GPC5: variants seen among roughly 807,000 people sequenced by gnomAD.
GPC5 encodes glypican-5.
In GPC5, 47 loss-of-function variants were observed where a neutral mutation model predicts 53.9. That is an observed-to-expected ratio of 0.87 (90% CI 0.69 to 1.11). The LOEUF is 1.11. Ranked by LOEUF, GPC5 falls within the 50% of genes most tolerant of loss-of-function variation. The probability of loss-of-function intolerance (pLI) is 0.00; values close to 1 mark genes in which losing one functional copy is unlikely to be tolerated. For synonymous variants in GPC5, 286 were observed against 263.3 expected (o/e 1.09, Z -0.84); for missense variants, 748 against 713.1 (o/e 1.05, Z -0.56).
intron 7 of GPC5, among the ~76,000 whole-genome samples, chr13:92,591,859 G>A (rs1883722737): frequency 6.6e-6 from 1 of 152,120 alleles, no homozygotes; most frequent in South Asian, 2.1e-4. Flanking sequence ...CAGTGATAGT[G>A]CAGCGAACTG....
rs533328906 is a variant in GPC5 at position 91,773,733 on chromosome 13, G to A, written c.1280+17313G>A. On this transcript the variant is annotated intron_variant, in intron 5 of 7. Coordinates refer to ENST00000377067, the MANE Select transcript of GPC5 (RefSeq NM_004466.6). ...TAGAACGTAAAAGCTTGAGGACTAA[G>A]CAGCTAATTAGGAATTTATTCATGC... is the stretch of plus-strand genomic sequence containing the variant. 1.4e-4 allele frequency among the ~76,000 whole-genome samples: 22 copies of A among 152,256 alleles called. No individual in the cohort carries two copies. The South Asian group carries it at 4.6e-3, about 32-fold the overall frequency.
rs1880819707 is a variant in GPC5, at chr13:91,446,575, C to A, written c.164-2186C>A. Among the ~76,000 whole-genome samples the A allele has an allele frequency of 4.6e-5, 7 of 152,128 alleles. No homozygotes were observed. In the South Asian group the frequency reaches 1.5e-3, roughly 32 times the overall value. ...TACCATGCATAATAGTATCTGGGTTCACTCTAGCTTTGTTTTCTTATGATG... is the reference window on the plus strand; with the variant it reads ...TACCATGCATAATAGTATCTGGGTTAACTCTAGCTTTGTTTTCTTATGATG... On this transcript the variant is annotated intron_variant, in intron 1 of 7. Transcript: ENST00000377067.
chr13:92,224,360 T>C (rs1405854070), intron 7 of GPC5, among the ~76,000 whole-genome samples: 1 of 152,202 alleles, frequency 6.6e-6, no homozygotes, highest in Non-Finnish European at 1.5e-5. Flanking sequence ...GTATCAAAAC[T>C]AGATAAGATT....
intron 4 of GPC5, among the ~76,000 whole-genome samples, chr13:91,750,409 G>A (rs141146661): frequency 3.9e-5 from 6 of 152,266 alleles, no homozygotes; most frequent in African/African-American, 1.2e-4. Flanking sequence ...GGACTGGACT[G>A]TTAACATCTC....
intron 2 of GPC5, among the ~76,000 whole-genome samples, chr13:91,607,083 G>T (rs1346269205): frequency 1.3e-5 from 2 of 152,084 alleles, no homozygotes; most frequent in African/African-American, 4.8e-5. Context: ...GCTTTCTCTT[G>T]TGGAGAGTCA....
At chr13:92,685,092 T>G (rs1887221939) in intron 7 of GPC5, among the ~76,000 whole-genome samples, 1 of 151,850 alleles carries the variant, frequency 6.6e-6, no homozygotes, top group African/African-American at 2.4e-5. Context: ...TAGTTCTATT[T>G]ATTTATTTAT....
intron 6 of GPC5, among the ~76,000 whole-genome samples, chr13:91,973,554 A>G (rs1351983735): frequency 6.6e-6 from 1 of 152,006 alleles, no homozygotes; most frequent in African/African-American, 2.4e-5. Flanking sequence ...TGCTTTTTAG[A>G]GTTTCCGGTT....
chr13:91,709,334 G>A (rs982866714), intron 3 of GPC5, among the ~76,000 whole-genome samples: 2 of 152,096 alleles, frequency 1.3e-5, no homozygotes, highest in African/African-American at 4.8e-5. Context: ...CCTTTATACT[G>A]ACCTTTAGTA....
intron 7 of GPC5, among the ~76,000 whole-genome samples, chr13:92,750,048 C>G (rs1049849795): frequency 6.6e-6 from 1 of 152,186 alleles, no homozygotes; most frequent in African/African-American, 2.4e-5. Context: ...GTTCTACCCA[C>G]AGACAGAAAA....
At chr13:91,678,306 T>G (rs1011215917) in intron 2 of GPC5, among the ~76,000 whole-genome samples, 4 of 152,144 alleles carry the variant, frequency 2.6e-5, no homozygotes, top group Non-Finnish European at 5.9e-5. Context: ...ATTTAAACCG[T>G]TTTTAAGTCA....
At chr13:92,118,049 C>G (rs928338955) in intron 6 of GPC5, among the ~76,000 whole-genome samples, 1 of 152,034 alleles carries the variant, frequency 6.6e-6, no homozygotes, top group East Asian at 1.9e-4. Context: ...ATCAGAGAGT[C>G]GCCATTAAGT....
chr13:92,265,999 C>A (rs959117897), intron 7 of GPC5, among the ~76,000 whole-genome samples: 2 of 152,150 alleles, frequency 1.3e-5, no homozygotes, highest in African/African-American at 4.8e-5. Context: ...TGTTTTATAA[C>A]AAACCCACCC....
intron 1 of GPC5, among the ~76,000 whole-genome samples, chr13:91,425,266 T>C (rs929773371): frequency 2.0e-5 from 3 of 152,236 alleles, no homozygotes; most frequent in South Asian, 2.1e-4. Context: ...TTTCAGTCTT[T>C]AGGTTAGCAT....
rs562636698 is a variant in GPC5, at chr13:92,750,894, G to A, written c.1562-115388G>A. 2.6e-5 allele frequency among the ~76,000 whole-genome samples: 4 copies of A among 152,126 alleles called. No individual in the cohort carries two copies. In the East Asian group the frequency reaches 5.8e-4, roughly 22 times the overall value. On this transcript the variant is annotated intron_variant, in intron 7 of 7. Transcript: ENST00000377067. ...TGTATGTTTTCTGGCCTTCAACAGT[G>A]CTATATCCATAACACTCCCACACTA...
At chr13:92,476,336 A>G (rs1879127351) in intron 7 of GPC5, among the ~76,000 whole-genome samples, 1 of 152,068 alleles carries the variant, frequency 6.6e-6, no homozygotes, top group African/African-American at 2.4e-5. Context: ...AATCAAAACC[A>G]CAATGAGATA....
At chr13:91,691,953 AC>A (rs1400617692) in intron 2 of GPC5, among the ~76,000 whole-genome samples, 1 of 152,200 alleles carries the variant, frequency 6.6e-6, no homozygotes, top group Non-Finnish European at 1.5e-5. Context: ...ATATATTGAA[AC>A]AGTCCAGTAT....
At chr13:92,546,830 A>G (rs1453336018) in intron 7 of GPC5, among the ~76,000 whole-genome samples, 3 of 152,188 alleles carry the variant, frequency 2.0e-5, no homozygotes, top group Non-Finnish European at 4.4e-5. Flanking sequence ...ATATAGACCA[A>G]TGGAACAGAA....
At chr13:91,558,814 C>A (rs959880904) in intron 2 of GPC5, among the ~76,000 whole-genome samples, 50 of 151,916 alleles carry the variant, frequency 3.3e-4, no homozygotes, top group African/African-American at 1.1e-3. Context: ...TGCGCCCTCT[C>A]CAGTGAGGTC....
At chr13:91,685,160 G>C (rs1386773728) in intron 2 of GPC5, among the ~76,000 whole-genome samples, 1 of 152,050 alleles carries the variant, frequency 6.6e-6, no homozygotes, top group Non-Finnish European at 1.5e-5. Context: ...AAATTAGCTG[G>C]GCATGGTGGT....
Sources: gnomAD v4.1 joint callset for allele counts (sites outside exome capture counted in the v4.1 genomes callset) on GRCh38, gnomAD v4.1.1 for gene constraint, MANE v1.5 for transcripts, NCBI Gene and HGNC (gene_info 2026-07-23, HGNC 2026-07-21) for gene names.